Variants in CPSF7 observed in about 807,000 individuals in gnomAD.
The protein encoded by CPSF7 is cleavage and polyadenylation specific factor 7.
In CPSF7, 1 loss-of-function variant was observed where a neutral mutation model predicts 44.3. The ratio of observed to expected loss-of-function variants is 0.02; its 90% confidence interval spans 0.01 to 0.11. The LOEUF is 0.11. CPSF7 is among the 10% of genes least tolerant of loss of function. CPSF7 has a pLI of 1.00. For missense variants in CPSF7, 443 were observed against 607.2 expected (o/e 0.73, Z 2.84); for synonymous variants, 202 against 222.0 (o/e 0.91, Z 0.80).
intron 9 of CPSF7, among the ~76,000 whole-genome samples, chr11:61,407,242 T>C (rs892657625): frequency 6.6e-5 from 10 of 152,214 alleles, no homozygotes; most frequent in African/African-American, 2.4e-4. Context: ...TTCTAACTAC[T>C]AAACTGAATG....
At position 61,404,382 on chromosome 11, in the gene CPSF7, G is replaced by C. The variant is rs1404295710; in HGVS notation, c.*328C>G. On this transcript the variant is annotated 3_prime_UTR_variant, in exon 10 of 10. Coordinates refer to ENST00000439958, the MANE Select transcript of CPSF7 (RefSeq NM_001142565.3). ...ACCTCACCATTGAACGGCTCCCGGA[G>C]AATCAGAAACTCATACGTTTTCTTG... The C allele has an allele frequency of 6.6e-6, 1 of 152,590 alleles. No individual in the cohort carries two copies. Among genetic ancestry groups the C allele is most frequent in the East Asian group, 1.9e-4 (1 of 5,180 alleles). 9.5% of individuals were successfully genotyped at this position (152,590 alleles called of 1,614,324 possible).
At chr11:61,416,668 C>T in intron 5 of CPSF7, 149 bp from the exon 6 acceptor site, 1 of 740,054 alleles carries the variant, frequency 1.4e-6, no homozygotes, top group Non-Finnish European at 2.2e-6. Flanking sequence ...TTTTTTTTGG[C>T]TTCAGAGGTC....
At chr11:61,415,940 A>T in intron 6 of CPSF7, 156 bp from the exon 7 acceptor site, 1 of 818,614 alleles carries the variant, frequency 1.2e-6, no homozygotes, top group South Asian at 1.8e-5. Context: ...CACCTTAAAA[A>T]GGGGTATAAA....
intron 5 of CPSF7, among the ~76,000 whole-genome samples, chr11:61,418,611 C>T (rs898125008): frequency 6.6e-6 from 1 of 152,060 alleles, no homozygotes; most frequent in Non-Finnish European, 1.5e-5. Flanking sequence ...AATTGGGAAA[C>T]CAAATTAGCA....
Position 61,419,932 on chromosome 11 carries a change from G to A in CPSF7, c.523+17C>T, listed in dbSNP as rs1860713112. On this transcript the variant is annotated intron_variant, in intron 5 of 9. Coordinates refer to ENST00000439958, the MANE Select transcript of CPSF7 (RefSeq NM_001142565.3). Reference sequence around the variant, plus strand: ...ATGGTCTCCACGTACCCCCTCTTGGGACTCGGACACACTCACGTTTCCGAG... The same window carrying A: ...ATGGTCTCCACGTACCCCCTCTTGGAACTCGGACACACTCACGTTTCCGAG... 1 of 1,612,554 alleles carries A rather than the reference G, an allele frequency of 6.2e-7. No individual in the cohort carries two copies. Among genetic ancestry groups the A allele is most frequent in the Non-Finnish European group, 8.5e-7 (1 of 1,179,564 alleles).
At chr11:61,423,608 G>C (rs1386354234) in intron 2 of CPSF7, among the ~76,000 whole-genome samples, 1 of 152,132 alleles carries the variant, frequency 6.6e-6, no homozygotes, top group South Asian at 2.1e-4. Flanking sequence ...AGGATGCTAC[G>C]GCAGTTTCAT....
chr11:61,421,480 G>A lies in CPSF7; in HGVS notation c.183C>T (p.Pro61=), dbSNP rs139445466. ...TTGCAGGGGTCTTGTTGTTGGGCTT[G>A]GGAGATGGCTCCTGGCGAACAGGAG... ...PPPPVRQEPS[P]KPNNKTPAIL... Residue 61 remains proline, a synonymous_variant, in exon 3 of 10, where the codon CCC becomes CCT. Transcript: ENST00000439958. 1.3e-4 allele frequency: 217 copies of A among 1,614,026 alleles called. No individual in the cohort carries two copies. The highest frequency in any genetic ancestry group is 1.8e-4 in the Non-Finnish European group (210 of 1,180,034).
In CPSF7 at chr11:61,404,469, C is replaced by T. The variant is rs1371098440; in HGVS notation, c.*241G>A. ...GACATGTTTTCTTCCTGTCTGCCAC[C>T]CCTCCCAATCACACGAAGTCTTTAG... On this transcript the variant is annotated 3_prime_UTR_variant, in exon 10 of 10. Coordinates refer to ENST00000439958, the MANE Select transcript of CPSF7 (RefSeq NM_001142565.3). 1 of 146,620 alleles carries T rather than the reference C, an allele frequency of 6.8e-6. No individual in the cohort carries two copies. The highest frequency in any genetic ancestry group is 1.5e-5 in the Non-Finnish European group (1 of 68,052). The allele number at this position is 146,620 out of a possible 1,614,324, so 9.1% of individuals were successfully genotyped here.
At position 61,429,916 on chromosome 11, in the gene CPSF7, G is replaced by T; in HGVS notation, c.-58C>A. The T allele has an allele frequency of 6.7e-7, 1 of 1,481,954 alleles. No individual in the cohort carries two copies. The highest frequency in any genetic ancestry group is 9.0e-7 in the Non-Finnish European group (1 of 1,107,164). The allele number at this position is 1,481,954 out of a possible 1,614,324, so 91.8% of individuals were successfully genotyped here. Reference sequence around the variant, plus strand: ...CCCCGACCGCGCGCCCCCGTTACCGGGAATATGGCGGCGGCGGCGGCGAGT... The same window carrying T: ...CCCCGACCGCGCGCCCCCGTTACCGTGAATATGGCGGCGGCGGCGGCGAGT... On this transcript the variant is annotated splice_region_variant and 5_prime_UTR_variant, in exon 1 of 10. Transcript: ENST00000439958.
chr11:61,410,358 A>G (rs1258969064), intron 9 of CPSF7, among the ~76,000 whole-genome samples: 1 of 152,212 alleles, frequency 6.6e-6, no homozygotes, highest in Non-Finnish European at 1.5e-5. Flanking sequence ...TGCTGGGATC[A>G]TAGGTGTGAG....
In CPSF7 at chr11:61,421,374, G is replaced by T; in HGVS notation, c.273+16C>A. 1 of 1,608,146 alleles carries T rather than the reference G, an allele frequency of 6.2e-7. No homozygotes were observed. Among genetic ancestry groups the T allele is most frequent in the Non-Finnish European group, 8.5e-7 (1 of 1,174,968 alleles). Reference sequence around the variant, plus strand: ...CTCCAGCCCACCCCTAAGCATTTTTGGTTACCCACACTCACCCAGGAGAAG... The same window carrying T: ...CTCCAGCCCACCCCTAAGCATTTTTTGTTACCCACACTCACCCAGGAGAAG... On this transcript the variant is annotated intron_variant, in intron 3 of 9. Coordinates refer to ENST00000439958, the MANE Select transcript of CPSF7 (RefSeq NM_001142565.3).
chr11:61,412,052 G>T, intron 7 of CPSF7, 115 bp from the exon 8 acceptor site: 1 of 837,060 alleles, frequency 1.2e-6, no homozygotes, highest in Non-Finnish European at 1.9e-6. Context: ...CCAAACAACC[G>T]CGGTAAAAGA....
In CPSF7 at chr11:61,417,273, C is replaced by T. The variant is rs551164401; in HGVS notation, c.524-754G>A. Among the ~76,000 whole-genome samples, 5 of 152,338 alleles carry T rather than the reference C, an allele frequency of 3.3e-5. No homozygotes were observed. The East Asian group carries it at 9.6e-4, about 29-fold the overall frequency. On this transcript the variant is annotated intron_variant, in intron 5 of 9. Transcript: ENST00000439958. ...CCCGCTACATTTCAATGGCCAAAATCCTCTACCCTTCAGGGCAGCCTAACA... is the reference window on the plus strand; with the variant it reads ...CCCGCTACATTTCAATGGCCAAAATTCTCTACCCTTCAGGGCAGCCTAACA...
intron 1 of CPSF7, 140 bp from the exon 2 acceptor site, chr11:61,429,430 C>T: frequency 3.6e-6 from 2 of 552,496 alleles, no homozygotes; most frequent in Non-Finnish European, 6.2e-6. Context: ...CCGCCCCGCC[C>T]CCGGCCTCGC....
intron 2 of CPSF7, among the ~76,000 whole-genome samples, chr11:61,428,352 T>A (rs1008013292): frequency 6.6e-6 from 1 of 151,222 alleles, no homozygotes; most frequent in Non-Finnish European, 1.5e-5. Context: ...CTCGTTGTTG[T>A]TTTTTTTTAC....
chr11:61,414,930 A>C (rs951823748), intron 7 of CPSF7, among the ~76,000 whole-genome samples: 5 of 152,198 alleles, frequency 3.3e-5, no homozygotes, highest in African/African-American at 1.2e-4. Context: ...AAATGTAATC[A>C]GATTTCATAG....
chr11:61,426,000 G>A (rs1861305764), intron 2 of CPSF7, among the ~76,000 whole-genome samples: 1 of 152,220 alleles, frequency 6.6e-6, no homozygotes. Flanking sequence ...CAGAGCAACT[G>A]ATCTCAGTCA....
chr11:61,418,475 T>G (rs907344573), intron 5 of CPSF7, among the ~76,000 whole-genome samples: 1 of 152,134 alleles, frequency 6.6e-6, no homozygotes, highest in Non-Finnish European at 1.5e-5. Flanking sequence ...CTAACCAAAC[T>G]CACAAGAGAC....
chr11:61,429,023 T>TTA (rs1861665231), intron 2 of CPSF7, 159 bp downstream of exon 2: 1 of 518,498 alleles, frequency 1.9e-6, no homozygotes, highest in Non-Finnish European at 3.5e-6. Context: ...TAAAGAGGAA[T>TTA]GGAGTGTAGT....
Sources: allele counts gnomAD v4.1 joint callset (sites outside exome capture counted in the v4.1 genomes callset), GRCh38; gene constraint gnomAD v4.1.1; transcripts MANE v1.5; gene names NCBI Gene and HGNC (gene_info 2026-07-23, HGNC 2026-07-21).